SLC25A17: variants seen among roughly 807,000 people sequenced by gnomAD.
The protein encoded by SLC25A17 is peroxisomal membrane protein PMP34.
A neutral mutation model predicts 38.5 loss-of-function variants in SLC25A17; 26 were observed. That is an observed-to-expected ratio of 0.68 (90% CI 0.50 to 0.94). The LOEUF (loss-of-function observed/expected upper bound fraction) is 0.94, where lower values mean the gene tolerates loss of function less well. Ranked by LOEUF, SLC25A17 falls within the 40% of genes least tolerant of loss-of-function variation. SLC25A17 has a pLI of 0.00. For synonymous variants in SLC25A17, 139 were observed against 136.2 expected (o/e 1.02, Z -0.14); for missense variants, 333 against 372.7 (o/e 0.89, Z 0.88).
intron 7 of SLC25A17, chr22:40,776,259 A>G (rs1261173492): frequency 4.3e-6 from 2 of 466,020 alleles, no homozygotes; most frequent in Non-Finnish European, 8.9e-6. Flanking sequence ...CTGCATGCCC[A>G]GGTCCTCCCA....
At chr22:40,812,235 T>G (rs1279792221) in intron 1 of SLC25A17, among the ~76,000 whole-genome samples, 3 of 152,028 alleles carry the variant, frequency 2.0e-5, no homozygotes, top group Admixed American at 6.6e-5. Context: ...CATCTACATT[T>G]CAGGCTACTT....
At chr22:40,798,929 G>A in intron 2 of SLC25A17, 94 bp downstream of exon 2, 2 of 869,462 alleles carry the variant, frequency 2.3e-6, no homozygotes, top group South Asian at 3.2e-5. Context: ...GGCTACAAAA[G>A]CGAAACTCCG....
intron 1 of SLC25A17, among the ~76,000 whole-genome samples, chr22:40,812,561 C>T (rs1286505187): frequency 6.6e-6 from 1 of 152,152 alleles, no homozygotes; most frequent in Admixed American, 6.5e-5. Flanking sequence ...TTGATTCATC[C>T]TAGCAGGGTG....
intron 4 of SLC25A17, among the ~76,000 whole-genome samples, chr22:40,787,791 G>T (rs1168754418): frequency 5.3e-5 from 8 of 152,108 alleles, no homozygotes; most frequent in Non-Finnish European, 1.0e-4. Flanking sequence ...AGAGGACTTA[G>T]AATTGAACCA....
chr22:40,789,034 T>C lies in SLC25A17; in HGVS notation c.334+3491A>G. On this transcript the variant is annotated intron_variant, in intron 4 of 8. Coordinates refer to ENST00000435456, the MANE Select transcript of SLC25A17 (RefSeq NM_006358.4). The surrounding 1 kb of genome is among the most constrained non-coding windows in gnomAD (Gnocchi z 4.5). The stretch of plus-strand genomic sequence containing the variant: ...TTCCATGGACTTCTTCGTATTCTCA[T>C]AGTATGGGTTCCATCCTATGCTCAC... 3.3e-6 allele frequency: 1 copy of C among 302,808 alleles called. No individual in the cohort carries two copies. Among genetic ancestry groups the C allele is most frequent in the Non-Finnish European group, 6.7e-6 (1 of 150,276 alleles). 18.8% of individuals were successfully genotyped at this position (302,808 alleles called of 1,614,324 possible).
chr22:40,792,776 G>T, intron 3 of SLC25A17, 100 bp from the exon 4 acceptor site: 1 of 1,201,934 alleles, frequency 8.3e-7, no homozygotes, highest in Non-Finnish European at 1.2e-6. Context: ...ATGGTCTCAA[G>T]CTTCACTCCT....
intron 1 of SLC25A17, among the ~76,000 whole-genome samples, chr22:40,810,481 G>A (rs933764398): frequency 5.3e-5 from 8 of 151,668 alleles, no homozygotes; most frequent in African/African-American, 1.9e-4. Flanking sequence ...CTGAGTAGCT[G>A]GGATTACAGG....
rs1237240201 is a variant in SLC25A17, at chr22:40,789,852, G to A, written c.334+2673C>T. Among the ~76,000 whole-genome samples, 1 of 151,050 alleles carries A rather than the reference G, an allele frequency of 6.6e-6. No homozygotes were observed. Among genetic ancestry groups the A allele is most frequent in the East Asian group, 2.0e-4 (1 of 4,994 alleles). Reference sequence around the variant, plus strand: ...AGATGGGGTCTTGCTATGTTGCCCAGGCTGGTCTCAAACTGCGGGCTCAAG... The same window carrying A: ...AGATGGGGTCTTGCTATGTTGCCCAAGCTGGTCTCAAACTGCGGGCTCAAG... On this transcript the variant is annotated intron_variant, in intron 4 of 8. Coordinates refer to ENST00000435456, the MANE Select transcript of SLC25A17 (RefSeq NM_006358.4). This position sits in a 1 kb window ranked among gnomAD's most constrained non-coding sequence, Gnocchi z 4.5.
intron 4 of SLC25A17, chr22:40,788,845 CTGGTAAATCTAGTCATTTCT>C (rs2057360746): frequency 4.2e-6 from 1 of 239,446 alleles, no homozygotes; most frequent in Non-Finnish European, 9.0e-6. Flanking sequence ...TTCAAATGTT[CTGGTAAATCTAGTCATTTCT>C]TAGCTTCCTC....
At chr22:40,802,039 G>A (rs2057489036) in intron 1 of SLC25A17, among the ~76,000 whole-genome samples, 3 of 151,936 alleles carry the variant, frequency 2.0e-5, no homozygotes, top group Non-Finnish European at 2.9e-5. Context: ...TGATCCACCC[G>A]CCTCGGCCTC....
At position 40,795,604 on chromosome 22, in the gene SLC25A17, TATTTCATAA is replaced by T. The variant is rs575323498; in HGVS notation, c.116-1033_116-1025del. ...CACGCCCAGCCTAATTTATTTCTTATATTTCATAAATTTCATAAAGCTCTCTTGTTTTAT... is the reference window on the plus strand; with the variant it reads ...CACGCCCAGCCTAATTTATTTCTTATATTTCATAAAGCTCTCTTGTTTTAT... On this transcript the variant is annotated intron_variant, in intron 2 of 8. Coordinates refer to ENST00000435456, the MANE Select transcript of SLC25A17 (RefSeq NM_006358.4). Among the ~76,000 whole-genome samples the T allele has an allele frequency of 1.4e-4, 21 of 152,130 alleles. 1 individual carries two copies. In the East Asian group the frequency reaches 3.3e-3, roughly 24 times the overall value.
chr22:40,771,042 T>G, intron 8 of SLC25A17, 61 bp from the exon 9 acceptor site: 1 of 1,377,882 alleles, frequency 7.3e-7, no homozygotes, highest in African/African-American at 1.4e-5. Context: ...ACATGCTACC[T>G]AGATAGCTAC....
intron 4 of SLC25A17, among the ~76,000 whole-genome samples, chr22:40,792,187 CA>C (rs1443946198): frequency 6.6e-6 from 1 of 151,902 alleles, no homozygotes; most frequent in Non-Finnish European, 1.5e-5. Context: ...CTAAAGTAGT[CA>C]AATTCTTAGA....
chr22:40,781,452 A>G (rs2057294065), intron 4 of SLC25A17, among the ~76,000 whole-genome samples: 1 of 152,006 alleles, frequency 6.6e-6, no homozygotes, highest in African/African-American at 2.4e-5. Flanking sequence ...TCACCGTGTT[A>G]GCCAGGATGG....
intron 4 of SLC25A17, among the ~76,000 whole-genome samples, chr22:40,781,128 G>T (rs1359120345): frequency 1.3e-5 from 2 of 152,020 alleles, no homozygotes; most frequent in East Asian, 3.9e-4. Flanking sequence ...CTGTGATCAT[G>T]CCACTGCACT....
intron 1 of SLC25A17, among the ~76,000 whole-genome samples, chr22:40,813,318 A>C (rs1259785085): frequency 2.0e-5 from 3 of 152,090 alleles, no homozygotes; most frequent in Non-Finnish European, 4.4e-5. Flanking sequence ...TGGGTGGATC[A>C]CTTGAGGTCA....
chr22:40,778,749 T>C (rs1309056749), intron 5 of SLC25A17, among the ~76,000 whole-genome samples: 4 of 152,156 alleles, frequency 2.6e-5, no homozygotes, highest in African/African-American at 4.8e-5. Flanking sequence ...ACTAAAGAGC[T>C]GTTGCACAGC....
At chr22:40,794,425 GA>G (rs1465088951) in intron 3 of SLC25A17, 88 bp downstream of exon 3, 1 of 766,152 alleles carries the variant, frequency 1.3e-6, no homozygotes, top group East Asian at 2.6e-5. Context: ...AGTGCTGTGA[GA>G]AAGATAGAAA....
At chr22:40,777,535 G>A (rs2057257509) in intron 5 of SLC25A17, among the ~76,000 whole-genome samples, 162 bp from the exon 6 acceptor site, 1 of 152,196 alleles carries the variant, frequency 6.6e-6, no homozygotes, top group South Asian at 2.1e-4. Context: ...TGTAGTCCCA[G>A]CACTTTGGGA....
Sources: gnomAD v4.1 joint callset for allele counts (sites outside exome capture counted in the v4.1 genomes callset) on GRCh38, gnomAD v4.1.1 for gene constraint, Gnocchi (gnomAD v3.1) non-coding constraint, MANE v1.5 for transcripts, NCBI Gene and HGNC (gene_info 2026-07-23, HGNC 2026-07-21) for gene names.